TNRC6A: variants seen among roughly 807,000 people sequenced by gnomAD.
TNRC6A encodes trinucleotide repeat containing adaptor 6A.
A neutral mutation model predicts 221.2 loss-of-function variants in TNRC6A; 44 were observed. That is an observed-to-expected ratio of 0.20 (90% CI 0.16 to 0.26). TNRC6A has a LOEUF of 0.26. Among genes scored for constraint, TNRC6A ranks in the 10% least tolerant of loss-of-function variants. The probability of loss-of-function intolerance (pLI) is 1.00; values close to 1 mark genes in which losing one functional copy is unlikely to be tolerated. For missense variants in TNRC6A, 2,199 were observed against 2,404.4 expected (o/e 0.91, Z 1.79); for synonymous variants, 847 against 838.5 (o/e 1.01, Z -0.18).
chr16:24,798,022 A>G, intron 11 of TNRC6A, 56 bp downstream of exon 11: 2 of 1,483,070 alleles, frequency 1.3e-6, no homozygotes, highest in Non-Finnish European at 1.9e-6. Context: ...CACATCCATG[A>G]CATGATTCTA....
At chr16:24,715,193 T>A (rs2056289398) in intron 2 of TNRC6A, among the ~76,000 whole-genome samples, 1 of 152,216 alleles carries the variant, frequency 6.6e-6, no homozygotes, top group Non-Finnish European at 1.5e-5. Flanking sequence ...ACTTAATTAC[T>A]TGAATGCAGC....
At chr16:24,713,016 C>T (rs1423272490) in intron 2 of TNRC6A, among the ~76,000 whole-genome samples, 1 of 151,740 alleles carries the variant, frequency 6.6e-6, no homozygotes, top group Non-Finnish European at 1.5e-5. Flanking sequence ...TGGGTTCAAG[C>T]AGTCCTCCCA....
chr16:24,617,452 G>A (rs188188306), intron 1 of TNRC6A, among the ~76,000 whole-genome samples: 1 of 152,272 alleles, frequency 6.6e-6, no homozygotes, highest in East Asian at 1.9e-4. Flanking sequence ...AATGCCTAGT[G>A]TGATTGTGTG....
At chr16:24,689,152 A>G (rs2055699959) in intron 2 of TNRC6A, among the ~76,000 whole-genome samples, 3 of 152,220 alleles carry the variant, frequency 2.0e-5, no homozygotes, top group Admixed American at 2.0e-4. Flanking sequence ...GTAACGAACT[A>G]TTGTAACTGA....
At chr16:24,739,770 C>T (rs2056853358) in intron 2 of TNRC6A, among the ~76,000 whole-genome samples, 1 of 152,140 alleles carries the variant, frequency 6.6e-6, no homozygotes, top group African/African-American at 2.4e-5. Flanking sequence ...TGAGCCACCG[C>T]ATGCAGCCTC....
intron 11 of TNRC6A, among the ~76,000 whole-genome samples, chr16:24,801,293 G>A (rs988154815): frequency 3.3e-5 from 5 of 152,170 alleles, no homozygotes; most frequent in African/African-American, 1.2e-4. Context: ...CTAAGCAGAA[G>A]TGGGACAAGT....
intron 1 of TNRC6A, among the ~76,000 whole-genome samples, chr16:24,627,853 A>C (rs1381529804): frequency 6.6e-6 from 1 of 150,524 alleles, no homozygotes; most frequent in Non-Finnish European, 1.5e-5. Context: ...GCCTGCCCCC[A>C]TGCCCGGCTA....
At chr16:24,632,401 G>T (rs537085929) in intron 1 of TNRC6A, among the ~76,000 whole-genome samples, 1 of 152,048 alleles carries the variant, frequency 6.6e-6, no homozygotes, top group Non-Finnish European at 1.5e-5. Flanking sequence ...CCAAACTCTA[G>T]AAGTCTTTGA....
At chr16:24,678,209 G>C (rs1198101720) in intron 2 of TNRC6A, among the ~76,000 whole-genome samples, 2 of 151,702 alleles carry the variant, frequency 1.3e-5, no homozygotes, top group Non-Finnish European at 2.9e-5. Flanking sequence ...TACTCCGGAG[G>C]CTGAGGCATG....
At chr16:24,645,241 C>T (rs1902210924) in intron 2 of TNRC6A, among the ~76,000 whole-genome samples, 1 of 135,898 alleles carries the variant, frequency 7.4e-6, no homozygotes, top group Non-Finnish European at 1.7e-5. Flanking sequence ...CACAGTGGCT[C>T]ATGCCTATAA....
intron 22 of TNRC6A, 62 bp downstream of exon 22, chr16:24,820,422 C>A: frequency 6.8e-7 from 1 of 1,476,036 alleles, no homozygotes; most frequent in Non-Finnish European, 9.4e-7. Context: ...CCAGTACTAA[C>A]AGTCGAGTTT....
chr16:24,766,674 C>CTTTTT (rs397972605), intron 4 of TNRC6A, among the ~76,000 whole-genome samples: 2 of 121,414 alleles, frequency 1.6e-5, no homozygotes, highest in Non-Finnish European at 1.7e-5. Context: ...TTCTTTTTAT[C>CTTTTT]TTTTTTTTTT....
At chr16:24,652,445 C>A (rs1264287447) in intron 2 of TNRC6A, among the ~76,000 whole-genome samples, 1 of 152,142 alleles carries the variant, frequency 6.6e-6, no homozygotes, top group African/African-American at 2.4e-5. Context: ...ATTTATGAGG[C>A]TTTTCTCCAC....
chr16:24,680,027 G>A (rs919281125), intron 2 of TNRC6A, among the ~76,000 whole-genome samples: 1 of 152,154 alleles, frequency 6.6e-6, no homozygotes, highest in Non-Finnish European at 1.5e-5. Context: ...GTATATAAAT[G>A]CATTTAAATA....
intron 2 of TNRC6A, among the ~76,000 whole-genome samples, chr16:24,707,434 A>G (rs2056118903): frequency 6.6e-6 from 1 of 152,128 alleles, no homozygotes; most frequent in Non-Finnish European, 1.5e-5. Context: ...GATGCTAAAA[A>G]GAAAAAATTA....
At position 24,816,665 on chromosome 16, in the gene TNRC6A, G is replaced by T. The variant is rs1443675109; in HGVS notation, c.4832-151G>T. 6 of 887,344 alleles carry T rather than the reference G, an allele frequency of 6.8e-6. No individual in the cohort carries two copies. The East Asian group carries it at 1.6e-4, about 24-fold the overall frequency. The allele number at this position is 887,344 out of a possible 1,614,324, so 55.0% of individuals were successfully genotyped here. A position where few individuals can be genotyped will look rare whatever the true frequency, so the allele number is the denominator to read the frequency against. On this transcript the variant is annotated intron_variant, in intron 19 of 24. Transcript: ENST00000395799. ...AAGAATAGCTTCTATAATACTAATT[G>T]TATTAACTGAACCATCCTCTTAGAG...
chr16:24,700,697 G>A (rs1249846242), intron 2 of TNRC6A, among the ~76,000 whole-genome samples: 2 of 152,112 alleles, frequency 1.3e-5, no homozygotes, highest in East Asian at 1.9e-4. Context: ...AGTGCTGACC[G>A]CTGTGCCTGT....
intron 1 of TNRC6A, among the ~76,000 whole-genome samples, chr16:24,614,950 AG>A (rs751444895): frequency 5.9e-5 from 9 of 152,192 alleles, no homozygotes; most frequent in Non-Finnish European, 1.3e-4. Context: ...GGCACCTGTC[AG>A]CTACTCAGGA....
rs1198215435 is a variant in TNRC6A, at chr16:24,806,850, C to T, written c.4540+66C>T. 1.7e-5 allele frequency: 24 copies of T among 1,425,332 alleles called. No homozygotes were observed. The Admixed American group carries it at 2.5e-4, about 15-fold the overall frequency. 88.3% of individuals were successfully genotyped at this position (1,425,332 alleles called of 1,614,324 possible). On this transcript the variant is annotated intron_variant, in intron 17 of 24. Transcript: ENST00000395799. ...GTATCACAGGCGTGCCTCCTTCACA[C>T]GTACCCTTACAGCTCTGTTCCTTCA...
Sources: allele counts gnomAD v4.1 joint callset (sites outside exome capture counted in the v4.1 genomes callset), GRCh38; gene constraint gnomAD v4.1.1; transcripts MANE v1.5; gene names NCBI Gene and HGNC (gene_info 2026-07-23, HGNC 2026-07-21).